ADGRG4: variants seen among roughly 807,000 people sequenced by gnomAD.
The protein encoded by ADGRG4 is adhesion G protein-coupled receptor G4.
In ADGRG4, 122 loss-of-function variants were observed where a neutral mutation model predicts 126.2. The ratio of observed to expected loss-of-function variants is 0.97; its 90% confidence interval spans 0.83 to 1.12. The LOEUF is 1.12. ADGRG4 is among the 50% of genes most tolerant of loss of function. The probability of loss-of-function intolerance (pLI) is 0.00; values close to 1 mark genes in which losing one functional copy is unlikely to be tolerated. For missense variants in ADGRG4, 2,481 were observed against 2,251.8 expected, an observed-to-expected ratio of 1.10 and a Z score of -2.06; for synonymous variants, 943 against 838.7, an observed-to-expected ratio of 1.12 and a Z score of -2.15.
intron 22 of ADGRG4, 91 bp from the exon 23 acceptor site, chrX:136,405,601 G>A (rs1712546840): frequency 2.8e-6 from 2 of 720,120 alleles, no homozygotes; most frequent in Non-Finnish European, 4.0e-6. Context: ...TGCCCTTAGG[G>A]TGAAATAAAA....
intron 3 of ADGRG4, among the ~76,000 whole-genome samples, chrX:136,308,293 A>T (rs1221968820): frequency 9.0e-6 from 1 of 111,555 alleles, no homozygotes; most frequent in Non-Finnish European, 1.9e-5. Flanking sequence ...TATTTTTAGT[A>T]GAGATGGGGT....
chrX:136,363,494 C>T lies in ADGRG4; in HGVS notation c.7295C>T (p.Thr2432Met), dbSNP rs143014685. ...ATRFCSISIN[T>M]GKSQWEKPKF... ...TTTTTCAGTTCAATCAGCATCAACA[C>T]GGGCAAATCTCAGTGGGAAAAGCCA... Residue 2432 changes from threonine to methionine, a missense_variant, in exon 13 of 26, where the codon ACG becomes ATG. Transcript: ENST00000394143. 82 of 1,189,154 alleles carry T rather than the reference C, an allele frequency of 6.9e-5. No individual in the cohort carries two copies. Among genetic ancestry groups the T allele is most frequent in the East Asian group, 2.1e-4 (7 of 33,673 alleles).
intron 23 of ADGRG4, among the ~76,000 whole-genome samples, chrX:136,409,554 C>A (rs924608334): frequency 8.9e-6 from 1 of 111,876 alleles, no homozygotes; most frequent in Non-Finnish European, 1.9e-5. Context: ...TGCTGCACCG[C>A]CTTCCAGGTG....
chrX:136,354,266 T>G (rs1603295853), intron 8 of ADGRG4, among the ~76,000 whole-genome samples: 1 of 111,645 alleles, frequency 9.0e-6, no homozygotes, highest in African/African-American at 3.3e-5. Flanking sequence ...ATAGACTAGG[T>G]GGCTTAAGCC....
At position 136,350,286 on chromosome X, in the gene ADGRG4, C is replaced by T. The variant is rs2075053029; in HGVS notation, c.6580C>T (p.Pro2194Ser). 8.3e-7 allele frequency: 1 copy of T among 1,210,151 alleles called. No homozygotes were observed. The highest frequency in any genetic ancestry group is 3.0e-5 in the East Asian group (1 of 33,799). ...TTSTVPGASF[P>S]LISTGVTYPF... The stretch of plus-strand genomic sequence containing the variant: ...ATCCACTGTTCCTGGAGCCTCATTT[C>T]CACTCATATCCACTGGGGTGACATA... The change falls in exon 6 of 26, where the codon CCA becomes TCA. Residue 2194 changes from proline to serine, a missense_variant. Physicochemically the swap from Pro to Ser is moderately conservative, Grantham distance 74 (BLOSUM62 -1). Coordinates refer to ENST00000394143, the MANE Select transcript of ADGRG4 (RefSeq NM_153834.4).
In ADGRG4 at chrX:136,354,043, A is replaced by G. The variant is rs756532574; in HGVS notation, c.6887+642A>G. 2.6e-3 allele frequency among the ~76,000 whole-genome samples: 297 copies of G among 112,257 alleles called. 1 individual carries two copies. The highest frequency in any genetic ancestry group is 4.1e-3 in the Non-Finnish European group (217 of 53,197). On this transcript the variant is annotated intron_variant, in intron 8 of 25. Coordinates refer to ENST00000394143, the MANE Select transcript of ADGRG4 (RefSeq NM_153834.4). ...AAAATAGGCATGGCTCTGTTAAGCCATGGCAAACTGATTTTTAAAACATAA... is the reference window on the plus strand; with the variant it reads ...AAAATAGGCATGGCTCTGTTAAGCCGTGGCAAACTGATTTTTAAAACATAA...
intron 5 of ADGRG4, among the ~76,000 whole-genome samples, chrX:136,334,074 CTCTTTCTT>C (rs201233200): frequency 0.1 from 9,124 of 88,649 alleles, 504 homozygotes; most frequent in East Asian, 0.26. Flanking sequence ...GAGGTTCTCT[CTCTTTCTT>C]TCTTTCTTTC....
chrX:136,392,395 G>C lies in ADGRG4; in HGVS notation c.8034+41G>C, dbSNP rs775924506. The C allele has an allele frequency of 2.8e-6, 3 of 1,080,219 alleles. No individual in the cohort carries two copies. In the African/African-American group the frequency reaches 5.6e-5, roughly 20 times the overall value. The allele number at this position is 1,080,219 out of a possible 1,213,427, so 89.0% of individuals were successfully genotyped here. A position where few individuals can be genotyped will look rare whatever the true frequency, so the allele number is the denominator to read the frequency against. Reference sequence around the variant, plus strand: ...TCAGCTCAGAATCAAATGGCCTCAGGAACTCTTCACGACTTTTCTGTTAAA... The same window carrying C: ...TCAGCTCAGAATCAAATGGCCTCAGCAACTCTTCACGACTTTTCTGTTAAA... On this transcript the variant is annotated intron_variant, in intron 17 of 25. Transcript: ENST00000394143.
rs950324511 is a variant in ADGRG4 at position 136,344,913 on chromosome X, T to C, written c.1207T>C (p.Leu403=). Residue 403 remains leucine, a synonymous_variant, in exon 6 of 26, where the codon TTA becomes CTA. Transcript: ENST00000394143. ...SQSAVTKTTS[L]FSTIESTSMS... ...GTCGGCTGTTACGAAGACAACATCT[T>C]TATTTTCAACTATTGAGTCAACATC... The C allele has an allele frequency of 1.7e-6, 2 of 1,210,886 alleles. No homozygotes were observed. Among genetic ancestry groups the C allele is most frequent in the African/African-American group, 1.7e-5 (1 of 57,865 alleles).
chrX:136,390,244 G>T (rs1428586604), intron 16 of ADGRG4, among the ~76,000 whole-genome samples: 3 of 110,895 alleles, frequency 2.7e-5, no homozygotes, highest in Non-Finnish European at 5.7e-5. Flanking sequence ...TAGAGATGGG[G>T]TCTCACTTTG....
At chrX:136,314,746 G>A (rs1242700750) in intron 4 of ADGRG4, among the ~76,000 whole-genome samples, 1 of 111,908 alleles carries the variant, frequency 8.9e-6, no homozygotes, top group Non-Finnish European at 1.9e-5. Flanking sequence ...TCTGTCCCTG[G>A]AATGTAAGCT....
chrX:136,301,986 C>T (rs1405507587), intron 1 of ADGRG4, among the ~76,000 whole-genome samples: 1 of 111,923 alleles, frequency 8.9e-6, no homozygotes, highest in African/African-American at 3.3e-5. Flanking sequence ...TTACTGTATC[C>T]TTGTAGTATA....
At chrX:136,339,070 G>C (rs898942926) in intron 5 of ADGRG4, among the ~76,000 whole-genome samples, 1 of 110,868 alleles carries the variant, frequency 9.0e-6, no homozygotes, top group African/African-American at 3.3e-5. Flanking sequence ...GGATGGATGT[G>C]GGGGCATCAC....
chrX:136,407,141 C>G (rs757050405), intron 23 of ADGRG4, among the ~76,000 whole-genome samples: 12 of 110,832 alleles, frequency 1.1e-4, no homozygotes, highest in Admixed American at 1.9e-4. Flanking sequence ...GAGTTAGAGT[C>G]TCCCTTCGTG....
chrX:136,312,464 A>G (rs374314097), intron 4 of ADGRG4, among the ~76,000 whole-genome samples: 1 of 111,166 alleles, frequency 9.0e-6, no homozygotes, highest in Non-Finnish European at 1.9e-5. Flanking sequence ...CGTCTCTACT[A>G]AAAATACAAA....
chrX:136,405,331 C>T lies in ADGRG4; in HGVS notation c.8655-361C>T, dbSNP rs777405529. 1.4e-4 allele frequency among the ~76,000 whole-genome samples: 12 copies of T among 85,050 alleles called. No individual in the cohort carries two copies. The South Asian group carries it at 5.7e-3, about 40-fold the overall frequency. The allele number at this position is 85,050 out of a possible 115,157, so 73.9% of individuals were successfully genotyped here. A position where few individuals can be genotyped will look rare whatever the true frequency, so the allele number is the denominator to read the frequency against. On this transcript the variant is annotated intron_variant, in intron 22 of 25. Transcript: ENST00000394143. ...GGCGGGGGGGCAGGGCGTGCGGGGG[C>T]GGTGTGGGGAGCACGGCGACAGAGA...
At chrX:136,323,880 T>C (rs150806317) in intron 5 of ADGRG4, among the ~76,000 whole-genome samples, 2,402 of 112,035 alleles carry the variant, frequency 0.021, 73 homozygotes, top group African/African-American at 0.073. Context: ...TTACATTTAG[T>C]TGTCATGTCT....
chrX:136,333,091 G>T (rs2074923759), intron 5 of ADGRG4, among the ~76,000 whole-genome samples: 2 of 111,519 alleles, frequency 1.8e-5, no homozygotes, highest in Admixed American at 1.9e-4. Context: ...AATGGGGAAA[G>T]GATTCCCTAT....
chrX:136,312,871 G>T (rs768963924), intron 4 of ADGRG4, among the ~76,000 whole-genome samples: 1 of 111,640 alleles, frequency 9.0e-6, no homozygotes, highest in Admixed American at 9.5e-5. Context: ...CTATGAATTT[G>T]CCTATTCTGG....
Sources: gnomAD v4.1 joint callset for allele counts (sites outside exome capture counted in the v4.1 genomes callset) on GRCh38, gnomAD v4.1.1 for gene constraint, MANE v1.5 for transcripts, NCBI Gene and HGNC (gene_info 2026-07-23, HGNC 2026-07-21) for gene names.